NLRP14: variants seen among roughly 807,000 people sequenced by gnomAD.
NLRP14 encodes NLR family pyrin domain containing 14.
A neutral mutation model predicts 94.7 loss-of-function variants in NLRP14; 105 were observed. The observed-to-expected ratio is 1.11, with a 90% CI of 0.95 to 1.30. NLRP14 has a LOEUF of 1.30. Ranked by LOEUF, NLRP14 falls within the 50% of genes most tolerant of loss-of-function variation. The pLI, the probability that NLRP14 is intolerant of heterozygous loss-of-function variation, is 0.00. For synonymous variants in NLRP14, 508 were observed against 459.9 expected, an observed-to-expected ratio of 1.10 and a Z score of -1.34; for missense variants, 1,362 against 1,254.1, an observed-to-expected ratio of 1.09 and a Z score of -1.30.
Position 7,020,760 on chromosome 11 carries a change from C to T in NLRP14, c.-32C>T, listed in dbSNP as rs1251494688. 1 of 152,322 alleles carries T rather than the reference C, an allele frequency of 6.6e-6. No individual in the cohort carries two copies. Among genetic ancestry groups the T allele is most frequent in the Non-Finnish European group, 1.5e-5 (1 of 68,098 alleles). The allele number at this position is 152,322 out of a possible 1,614,324, so 9.4% of individuals were successfully genotyped here. ...AGCCCTGGCACTAGCTAGCATCGCT[C>T]TAAACTCAAGGTTAGAGGTTTTCAA... On this transcript the variant is annotated 5_prime_UTR_variant, in exon 1 of 12. Transcript: ENST00000299481.
chr11:7,062,810 A>AT (rs1236133733), intron 10 of NLRP14, among the ~76,000 whole-genome samples: 1 of 151,968 alleles, frequency 6.6e-6, no homozygotes, highest in African/African-American at 2.4e-5. Context: ...CTTTGAATTA[A>AT]TTTTTTTATT....
At chr11:7,089,673 C>A in the NLRP14 span, 1 of 1,433,732 alleles carries the variant, frequency 7.0e-7, no homozygotes, top group Non-Finnish European at 9.2e-7. Flanking sequence ...CCTGGCCGTG[C>A]GGGGGCGAGA....
chr11:7,054,733 T>C (rs935292032), intron 6 of NLRP14, among the ~76,000 whole-genome samples: 18 of 152,128 alleles, frequency 1.2e-4, no homozygotes, highest in Admixed American at 1.1e-3. Context: ...TTAGCACATA[T>C]TTTCTTCAAT....
chr11:7,088,734 T>C, the NLRP14 span, among the ~76,000 whole-genome samples: 2 of 152,276 alleles, frequency 1.3e-5, no homozygotes, highest in South Asian at 4.1e-4. Flanking sequence ...GAAAATGGTT[T>C]GGGTAGCTTA....
Position 7,042,633 on chromosome 11 carries a change from G to T in NLRP14, c.607G>T (p.Gly203Cys). 1.9e-6 allele frequency: 3 copies of T among 1,614,120 alleles called. No homozygotes were observed. In the South Asian group the frequency reaches 3.3e-5, roughly 18 times the overall value. Residue 203 changes from glycine (G) to cysteine (C), a missense_variant, in exon 4 of 12, where the codon GGC (glycine) becomes TGC (cysteine). Transcript: ENST00000299481. ...VRKAMLDWAE[G>C]SLYQQRFKYV... ...AAAGGCAATGTTAGATTGGGCAGAG[G>T]GCAGTCTCTACCAGCAGAGGTTTAA...
the NLRP14 span, chr11:7,090,407 ACCTTTTAAGAATTT>A: frequency 1.5e-6 from 2 of 1,343,958 alleles, no homozygotes. Context: ...AGTTGTTTTT[ACCTTTTAAGAATTT>A]CCTGTTAAGA....
At chr11:7,081,847 A>G in the NLRP14 span, among the ~76,000 whole-genome samples, 1 of 152,194 alleles carries the variant, frequency 6.6e-6, no homozygotes, top group African/African-American at 2.4e-5. Flanking sequence ...ATGATTGGCC[A>G]TCAGTGATTA....
intron 1 of NLRP14, among the ~76,000 whole-genome samples, chr11:7,031,963 C>T (rs950115861): frequency 1.3e-5 from 2 of 152,194 alleles, no homozygotes; most frequent in African/African-American, 2.4e-5. Context: ...AGCACCCCCA[C>T]TCCCTCTACT....
At chr11:7,057,484 T>C (rs1302129615) in intron 6 of NLRP14, among the ~76,000 whole-genome samples, 193 bp from the exon 7 acceptor site, 2 of 152,072 alleles carry the variant, frequency 1.3e-5, no homozygotes, top group Non-Finnish European at 2.9e-5. Flanking sequence ...ATAAACAATC[T>C]CCTTCCCTTC....
At chr11:7,071,979 G>A (rs1852807364), downstream of NLRP14, among the ~76,000 whole-genome samples, 1 of 152,266 alleles carries the variant, frequency 6.6e-6, no homozygotes, top group South Asian at 2.1e-4. Flanking sequence ...GGAATATAAG[G>A]TTATTTGGGC....
At chr11:7,056,581 A>G (rs1589868507) in intron 6 of NLRP14, among the ~76,000 whole-genome samples, 1 of 151,292 alleles carries the variant, frequency 6.6e-6, no homozygotes, top group South Asian at 2.1e-4. Context: ...AAAATGAACT[A>G]TCAAGCATTT....
intron 1 of NLRP14, among the ~76,000 whole-genome samples, chr11:7,031,107 G>C (rs1301919777): frequency 1.3e-5 from 2 of 152,202 alleles, no homozygotes; most frequent in African/African-American, 4.8e-5. Context: ...AGGCATTAAG[G>C]GCCAGAGTGC....
At position 7,071,410 on chromosome 11, in the gene NLRP14, GAGA is replaced by G; in HGVS notation, c.*103_*105del. On this transcript the variant is annotated 3_prime_UTR_variant, in exon 12 of 12. Coordinates refer to ENST00000299481, the MANE Select transcript of NLRP14 (RefSeq NM_176822.4). ...CTTAGCTTCAGATACTCTATGCCCA[GAGA>G]TAGTGCACTTGGCAGCTGTCAGATA... 1 of 909,260 alleles carries G rather than the reference GAGA, an allele frequency of 1.1e-6. No individual in the cohort carries two copies. Among genetic ancestry groups the G allele is most frequent in the Non-Finnish European group, 1.7e-6 (1 of 576,264 alleles). The allele number at this position is 909,260 out of a possible 1,614,324, so 56.3% of individuals were successfully genotyped here.
chr11:7,088,185 CA>C, the NLRP14 span, among the ~76,000 whole-genome samples: 2 of 152,112 alleles, frequency 1.3e-5, no homozygotes, highest in Admixed American at 1.3e-4. Context: ...TTAATTACAC[CA>C]TATTAGGTCA....
intron 10 of NLRP14, 101 bp from the exon 11 acceptor site, chr11:7,070,185 G>C: frequency 1.2e-6 from 1 of 835,300 alleles, no homozygotes. Context: ...ATTTTTTAAA[G>C]TTTCTGGAAT....
downstream of NLRP14, among the ~76,000 whole-genome samples, chr11:7,074,579 T>C (rs1032470507): frequency 6.6e-6 from 1 of 152,262 alleles, no homozygotes; most frequent in Admixed American, 6.5e-5. Context: ...AAAATTCTTA[T>C]ATTTCTGAAA....
rs1265891911 is a variant in NLRP14 at position 7,062,478 on chromosome 11, C to T, written c.2950C>T (p.Pro984Ser). ...AATTCTGTGTGATGCTTTGAGATAT[C>T]CAAACTGTAACATTCAGAGGCTCGG... ...VKILCDALRY[P>S]NCNIQRLGLE... The change falls in exon 10 of 12, where the codon CCA becomes TCA. Residue 984 changes from proline (P) to serine (S), a missense_variant. Transcript: ENST00000299481. 6.2e-7 allele frequency: 1 copy of T among 1,613,018 alleles called. No individual in the cohort carries two copies. The highest frequency in any genetic ancestry group is 1.7e-5 in the Admixed American group (1 of 59,910).
downstream of NLRP14, among the ~76,000 whole-genome samples, chr11:7,073,977 G>GA (rs1189186321): frequency 2.0e-5 from 3 of 152,110 alleles, no homozygotes; most frequent in Non-Finnish European, 4.4e-5. Context: ...GGGGAGTGCT[G>GA]AAAATTCCAA....
intron 9 of NLRP14, among the ~76,000 whole-genome samples, chr11:7,061,596 G>T (rs1852623343): frequency 6.6e-6 from 1 of 151,912 alleles, no homozygotes. Flanking sequence ...CTGATAACAG[G>T]GAAATAAATA....
Sources: gnomAD v4.1 joint callset for allele counts (sites outside exome capture counted in the v4.1 genomes callset) on GRCh38, gnomAD v4.1.1 for gene constraint, MANE v1.5 for transcripts, NCBI Gene and HGNC (gene_info 2026-07-23, HGNC 2026-07-21) for gene names.